Variants in FARP1 observed in about 807,000 individuals in gnomAD.
FARP1 encodes the protein FERM, ARHGEF and pleckstrin domain-containing protein 1.
FARP1 carries 52 observed loss-of-function variants against 128.8 expected under a neutral mutation model. The ratio of observed to expected loss-of-function variants is 0.40; its 90% CI spans 0.32 to 0.51. FARP1 has a LOEUF of 0.51. Ranked by LOEUF, FARP1 falls within the 20% of genes least tolerant of loss-of-function variation. The probability of loss-of-function intolerance (pLI) is 0.45; values close to 1 mark genes in which losing one functional copy is unlikely to be tolerated. For synonymous variants in FARP1, 580 were observed against 551.8 expected (o/e 1.05, Z -0.72); for missense variants, 1,333 against 1,367.9 (o/e 0.97, Z 0.40).
intron 11 of FARP1, among the ~76,000 whole-genome samples, chr13:98,391,248 AT>A (rs1890293580): frequency 1.3e-5 from 2 of 152,208 alleles, no homozygotes; most frequent in Admixed American, 1.3e-4. Context: ...GAACATTTTA[AT>A]TAAATCAAGT....
At chr13:98,387,046 A>G (rs998560267) in intron 8 of FARP1, among the ~76,000 whole-genome samples, 1 of 152,278 alleles carries the variant, frequency 6.6e-6, no homozygotes, top group African/African-American at 2.4e-5. Context: ...CACACCTGTA[A>G]TCCCAACACT....
chr13:98,259,882 A>AGTGTGTGT (rs60886784), intron 2 of FARP1, among the ~76,000 whole-genome samples: 23,719 of 128,606 alleles, frequency 0.18, 2,439 homozygotes, highest in East Asian at 0.42. Context: ...ATACCTGAAA[A>AGTGTGTGT]GTGTGTGTGT....
At chr13:98,322,072 C>A (rs571889471) in intron 2 of FARP1, among the ~76,000 whole-genome samples, 1 of 152,304 alleles carries the variant, frequency 6.6e-6, no homozygotes, top group African/African-American at 2.4e-5. Context: ...CCGAGGCTGG[C>A]GGATCACCTG....
chr13:98,278,560 C>T (rs1259232036), intron 2 of FARP1, among the ~76,000 whole-genome samples: 2 of 152,094 alleles, frequency 1.3e-5, no homozygotes, highest in Non-Finnish European at 2.9e-5. Flanking sequence ...TGTGTCCTCC[C>T]TGGAGAACAT....
At chr13:98,275,433 TTGA>T (rs1884599479) in intron 2 of FARP1, among the ~76,000 whole-genome samples, 1 of 150,820 alleles carries the variant, frequency 6.6e-6, no homozygotes, top group African/African-American at 2.4e-5. Context: ...TGGCCATGAG[TTGA>T]TGATTGTTGA....
intron 2 of FARP1, among the ~76,000 whole-genome samples, chr13:98,227,610 A>G (rs541281769): frequency 2.5e-4 from 38 of 152,318 alleles, no homozygotes; most frequent in Admixed American, 7.8e-4. Context: ...TGATCCAGCA[A>G]TCCTCCTTTG....
intron 16 of FARP1, among the ~76,000 whole-genome samples, chr13:98,424,300 GA>G (rs1255741802): frequency 1.3e-5 from 2 of 152,330 alleles, no homozygotes; most frequent in Non-Finnish European, 2.9e-5. Context: ...CCAGTGTGCA[GA>G]TGGGTAGAGT....
chr13:98,193,163 T>G (rs1440899578), intron 1 of FARP1, among the ~76,000 whole-genome samples: 1 of 151,944 alleles, frequency 6.6e-6, no homozygotes, highest in African/African-American at 2.4e-5. Flanking sequence ...GTTCAAGCGA[T>G]TCTTCTGCCT....
chr13:98,365,333 C>G, intron 3 of FARP1, 62 bp from the exon 4 acceptor site: 2 of 1,303,034 alleles, frequency 1.5e-6, no homozygotes, highest in South Asian at 1.2e-5. Flanking sequence ...AACAAAATCT[C>G]AAAATACTTG....
intron 1 of FARP1, among the ~76,000 whole-genome samples, chr13:98,161,870 C>T (rs1016338557): frequency 6.6e-6 from 1 of 152,108 alleles, no homozygotes; most frequent in African/African-American, 2.4e-5. Flanking sequence ...GCCTCAACCT[C>T]CTAGGCCCAA....
intron 5 of FARP1, among the ~76,000 whole-genome samples, chr13:98,377,099 G>A (rs1410207533): frequency 1.3e-5 from 2 of 151,894 alleles, no homozygotes; most frequent in Admixed American, 6.6e-5. Context: ...TCAAGAGATC[G>A]AGACCATCCT....
intron 2 of FARP1, among the ~76,000 whole-genome samples, chr13:98,330,564 G>A (rs1887460579): frequency 6.6e-6 from 1 of 152,084 alleles, no homozygotes; most frequent in Admixed American, 6.6e-5. Flanking sequence ...AGACCAGCCT[G>A]ACCAACATGG....
chr13:98,259,882 A>T (rs1451783923), intron 2 of FARP1, among the ~76,000 whole-genome samples: 3 of 128,870 alleles, frequency 2.3e-5, no homozygotes, highest in East Asian at 2.4e-4. Flanking sequence ...ATACCTGAAA[A>T]GTGTGTGTGT....
chr13:98,207,631 C>T (rs148640628), intron 1 of FARP1, among the ~76,000 whole-genome samples: 6 of 140,752 alleles, frequency 4.3e-5, no homozygotes, highest in East Asian at 5.0e-4. Flanking sequence ...TGTGAATTAC[C>T]GTGCACAGGG....
rs1324363729 is a variant in FARP1, at chr13:98,454,132, C to G, written c.*5815C>G. On this transcript the variant is annotated 3_prime_UTR_variant, in exon 27 of 27. Transcript: ENST00000319562. Reference sequence around the variant, plus strand: ...TACTATAGAAATTCTAAAAAATCTTCTTTGCACTATAAGGTAGATAAGAGA... The same window carrying G: ...TACTATAGAAATTCTAAAAAATCTTGTTTGCACTATAAGGTAGATAAGAGA... 6.6e-6 allele frequency: 1 copy of G among 152,200 alleles called. No homozygotes were observed. The highest frequency in any genetic ancestry group is 2.4e-5 in the African/African-American group (1 of 41,446). 9.4% of individuals were successfully genotyped at this position (152,200 alleles called of 1,614,324 possible).
At chr13:98,383,724 C>G (rs1414350475) in intron 6 of FARP1, 1 of 152,128 alleles carries the variant, frequency 6.6e-6, no homozygotes, top group Non-Finnish European at 1.5e-5. Context: ...GTACATTGAC[C>G]TTGAACTAGT....
At chr13:98,387,410 A>G (rs1890135813) in intron 8 of FARP1, among the ~76,000 whole-genome samples, 1 of 152,236 alleles carries the variant, frequency 6.6e-6, no homozygotes, top group African/African-American at 2.4e-5. Flanking sequence ...GTGTCTCACA[A>G]TTGAATTAAT....
chr13:98,394,151 C>T (rs989923830), intron 12 of FARP1, among the ~76,000 whole-genome samples: 1 of 152,154 alleles, frequency 6.6e-6, no homozygotes, highest in African/African-American at 2.4e-5. Context: ...GGCGAGTTCC[C>T]AGAGCTTGTA....
At chr13:98,160,323 G>A (rs1876787839) in intron 1 of FARP1, among the ~76,000 whole-genome samples, 1 of 152,202 alleles carries the variant, frequency 6.6e-6, no homozygotes, top group South Asian at 2.1e-4. Flanking sequence ...TGGGCTGCCT[G>A]GTGCTGGGGA....
Sources: gnomAD v4.1 joint callset for allele counts (sites outside exome capture counted in the v4.1 genomes callset) on GRCh38, gnomAD v4.1.1 for gene constraint, MANE v1.5 for transcripts, NCBI Gene and HGNC (gene_info 2026-07-23, HGNC 2026-07-21) for gene names.